Variants in FGD4 observed in about 807,000 individuals in gnomAD.
The protein encoded by FGD4 is FYVE, RhoGEF and PH domain containing 4.
FGD4 carries 42 observed loss-of-function variants against 102.0 expected under a neutral mutation model. The observed-to-expected ratio is 0.41, with a 90% CI of 0.32 to 0.53. The LOEUF (loss-of-function observed/expected upper bound fraction) is 0.53, where lower values mean the gene tolerates loss of function less well. FGD4 is among the 20% of genes least tolerant of loss of function. The probability of loss-of-function intolerance (pLI) is 0.21; values close to 1 mark genes in which losing one functional copy is unlikely to be tolerated. For missense variants in FGD4, 902 were observed against 1,078.2 expected, an observed-to-expected ratio of 0.84 and a Z score of 2.29; for synonymous variants, 380 against 375.7, an observed-to-expected ratio of 1.01 and a Z score of -0.13.
At chr12:32,558,760 G>C (rs980089984) in intron 1 of FGD4, among the ~76,000 whole-genome samples, 2 of 152,232 alleles carry the variant, frequency 1.3e-5, no homozygotes, top group African/African-American at 4.8e-5. Context: ...CTCTGCAGTT[G>C]GAACGAGGGA....
chr12:32,471,153 G>C (rs1943406505), intron 1 of FGD4, among the ~76,000 whole-genome samples: 1 of 152,022 alleles, frequency 6.6e-6, no homozygotes, highest in Non-Finnish European at 1.5e-5. Context: ...CCCACACCAA[G>C]CTCTCAGGTC....
chr12:32,460,920 C>T (rs1943088701), intron 1 of FGD4, among the ~76,000 whole-genome samples: 1 of 152,196 alleles, frequency 6.6e-6, no homozygotes, highest in African/African-American at 2.4e-5. Flanking sequence ...TTTCTACATA[C>T]TGTTTCTATT....
chr12:32,572,381 A>G (rs1193281361), intron 2 of FGD4, among the ~76,000 whole-genome samples: 1 of 152,166 alleles, frequency 6.6e-6, no homozygotes. Context: ...CTGTGTTTGC[A>G]TACTACACTG....
At chr12:32,404,346 T>C (rs1333548015) in intron 1 of FGD4, among the ~76,000 whole-genome samples, 2 of 152,088 alleles carry the variant, frequency 1.3e-5, no homozygotes, top group Non-Finnish European at 2.9e-5. Flanking sequence ...GAGTACTAAT[T>C]TCATCTCTGG....
At chr12:32,445,790 C>T (rs1942593039) in intron 1 of FGD4, among the ~76,000 whole-genome samples, 1 of 152,130 alleles carries the variant, frequency 6.6e-6, no homozygotes, top group Non-Finnish European at 1.5e-5. Flanking sequence ...CTGTAAGGAC[C>T]TTCTACCTAT....
At chr12:32,429,359 T>G (rs2651376) in intron 1 of FGD4, among the ~76,000 whole-genome samples, 82,439 of 152,038 alleles carry the variant, frequency 0.54, 23,634 homozygotes, top group African/African-American at 0.74. Context: ...AGTGGAGGCT[T>G]CAGAACAGCA....
chr12:32,623,523 C>T, intron 11 of FGD4, among the ~76,000 whole-genome samples: 1 of 152,086 alleles, frequency 6.6e-6, no homozygotes. Context: ...AATCCTTCAG[C>T]CAGTCTCATG....
intron 1 of FGD4, among the ~76,000 whole-genome samples, chr12:32,501,851 C>T (rs1158439333): frequency 6.6e-6 from 1 of 152,182 alleles, no homozygotes; most frequent in Non-Finnish European, 1.5e-5. Flanking sequence ...AGTCAAGCCT[C>T]TTGTGACCTT....
intron 1 of FGD4, among the ~76,000 whole-genome samples, chr12:32,484,733 G>A (rs1047145314): frequency 3.3e-5 from 5 of 151,992 alleles, no homozygotes; most frequent in African/African-American, 4.8e-5. Context: ...TTAGCCAGAC[G>A]TGCTGGTGGG....
chr12:32,412,901 T>G (rs1481059473), intron 1 of FGD4, among the ~76,000 whole-genome samples: 2 of 106,842 alleles, frequency 1.9e-5, no homozygotes, highest in Non-Finnish European at 2.1e-5. Context: ...TTCTAGAAAT[T>G]TTTTTTTTTT....
intron 1 of FGD4, among the ~76,000 whole-genome samples, chr12:32,411,164 G>A (rs2136395561): frequency 6.6e-6 from 1 of 151,530 alleles, no homozygotes; most frequent in South Asian, 2.1e-4. Context: ...CCTGACCTCA[G>A]TCAATCCACC....
At chr12:32,532,023 C>T (rs1291384398) in intron 1 of FGD4, among the ~76,000 whole-genome samples, 1 of 152,190 alleles carries the variant, frequency 6.6e-6, no homozygotes, top group African/African-American at 2.4e-5. Context: ...AAAGTGAATA[C>T]AGTAGTGTCC....
At chr12:32,602,073 C>A in intron 6 of FGD4, 88 bp from the exon 7 acceptor site, 2 of 1,185,528 alleles carry the variant, frequency 1.7e-6, no homozygotes, top group Non-Finnish European at 2.5e-6. Context: ...TGTGATAATG[C>A]CACTGCACTA....
At chr12:32,543,816 A>G (rs1377845796) in intron 1 of FGD4, among the ~76,000 whole-genome samples, 1 of 151,892 alleles carries the variant, frequency 6.6e-6, no homozygotes, top group South Asian at 2.1e-4. Flanking sequence ...TTTAGTAGAG[A>G]CGGGGTTTCA....
chr12:32,619,355 G>A (rs561924742), intron 10 of FGD4, among the ~76,000 whole-genome samples: 8 of 152,202 alleles, frequency 5.3e-5, no homozygotes, highest in East Asian at 3.9e-4. Context: ...CCAGCCGGGT[G>A]CGGTGGCTCA....
At chr12:32,442,047 T>G (rs1942451802) in intron 1 of FGD4, among the ~76,000 whole-genome samples, 1 of 138,980 alleles carries the variant, frequency 7.2e-6, no homozygotes, top group Non-Finnish European at 1.5e-5. Flanking sequence ...TGTTGTGTTT[T>G]TTTTTTTTTT....
chr12:32,399,579 C>G lies in FGD4; in HGVS notation c.-215C>G, dbSNP rs948386413. The G allele has an allele frequency of 2.5e-5, 31 of 1,238,392 alleles. No individual in the cohort carries two copies. The highest frequency in any genetic ancestry group is 3.0e-5 in the Non-Finnish European group (28 of 936,612). The allele number at this position is 1,238,392 out of a possible 1,614,324, so 76.7% of individuals were successfully genotyped here. ...AGCTGCAGATACCGAGACGCTGCGA[C>G]TGCCGCAGGAGTCGCCGCAGCCAAA... is the stretch of plus-strand genomic sequence containing the variant. On this transcript the variant is annotated 5_prime_UTR_variant, in exon 1 of 17. Coordinates refer to ENST00000534526, the MANE Select transcript of FGD4 (RefSeq NM_001370298.3).
At chr12:32,446,755 A>G (rs1374052957) in intron 1 of FGD4, among the ~76,000 whole-genome samples, 1 of 152,168 alleles carries the variant, frequency 6.6e-6, no homozygotes, top group Admixed American at 6.5e-5. Flanking sequence ...AACAGGACAC[A>G]ATACCTTGTT....
chr12:32,564,203 T>C lies in FGD4; in HGVS notation c.233T>C (p.Val78Ala). 6.5e-7 allele frequency: 1 copy of C among 1,536,028 alleles called. No individual in the cohort carries two copies. The highest frequency in any genetic ancestry group is 1.2e-5 in the South Asian group (1 of 84,052). The change falls in exon 2 of 17, where the codon GTT (valine) becomes GCT (alanine). Residue 78 changes from valine (V) to alanine (A), a missense_variant. Val to Ala is a moderately conservative substitution (Grantham distance 64). Around this residue, in one of 2 missense-constraint regions of FGD4, gnomAD observed 443 missense variants for 459.2 expected, o/e 0.96. Transcript: ENST00000534526. The stretch of plus-strand genomic sequence containing the variant: ...TCCACAAGCAGCACAACCACACTGG[T>C]TGGTGAGAATGTATCTGAAGAAGAG... Reference protein sequence around the residue: ...PCSTSSTTTLVGENVSEEEAQ... With the variant: ...PCSTSSTTTLAGENVSEEEAQ...
Sources: gnomAD v4.1 joint callset for allele counts (sites outside exome capture counted in the v4.1 genomes callset) on GRCh38, gnomAD v4.1.1 for gene constraint, gnomAD v4.1.1 regional missense constraint, MANE v1.5 for transcripts, NCBI Gene and HGNC (gene_info 2026-07-23, HGNC 2026-07-21) for gene names.